The following RIMOC1 variants were observed in gnomAD, a reference collection of about 807,000 sequenced individuals.
RIMOC1 encodes the protein RAB7A-interacting MON1-CCZ1 complex subunit 1.
At chr5:41,917,171 T>G in the RIMOC1 span, 1 of 1,613,830 alleles carries the variant, frequency 6.2e-7, no homozygotes, top group East Asian at 2.2e-5. Context: ...ACCCTTGGAT[T>G]TCCGAGAAGT....
chr5:41,916,286 C>A, the RIMOC1 span: 1 of 492,216 alleles, frequency 2.0e-6, no homozygotes, highest in Non-Finnish European at 2.6e-6. Flanking sequence ...TAATTTATAC[C>A]CAGATCTTTT....
At chr5:41,909,705 T>G in the RIMOC1 span, 1 of 1,421,052 alleles carries the variant, frequency 7.0e-7, no homozygotes, top group Non-Finnish European at 9.5e-7. Context: ...TTTTTCAATT[T>G]TAAGTCATTG....
the RIMOC1 span, chr5:41,909,659 A>C: frequency 1.2e-6 from 1 of 867,962 alleles, no homozygotes; most frequent in Non-Finnish European, 1.7e-6. Context: ...GTAATAAAGC[A>C]CCTATGTGTG....
At chr5:41,911,098 A>G in the RIMOC1 span, 1 of 1,610,318 alleles carries the variant, frequency 6.2e-7, no homozygotes, top group Non-Finnish European at 8.5e-7. Flanking sequence ...CTTGGAGACG[A>G]GGAGCCCTGC....
At chr5:41,911,294 T>C in the RIMOC1 span, 16 of 938,172 alleles carry the variant, frequency 1.7e-5, no homozygotes, top group Non-Finnish European at 2.4e-5. Flanking sequence ...GTATTCTGTG[T>C]CTTTTATTTA....
At chr5:41,907,211 A>C in the RIMOC1 span, among the ~76,000 whole-genome samples, 1 of 152,196 alleles carries the variant, frequency 6.6e-6, no homozygotes, top group African/African-American at 2.4e-5. Flanking sequence ...AAATACACAG[A>C]TGTATTATGT....
At chr5:41,908,102 T>C in the RIMOC1 span, among the ~76,000 whole-genome samples, 1 of 151,962 alleles carries the variant, frequency 6.6e-6, no homozygotes, top group Non-Finnish European at 1.5e-5. Context: ...TAGAGATAAT[T>C]GAACAGGACA....
chr5:41,917,676 C>T, the RIMOC1 span: 1 of 969,052 alleles, frequency 1.0e-6, no homozygotes, highest in Non-Finnish European at 1.2e-6. Context: ...AATCTCACTA[C>T]CTTGAAGTTT....
chr5:41,904,930 T>C, the RIMOC1 span, among the ~76,000 whole-genome samples: 16 of 152,234 alleles, frequency 1.1e-4, no homozygotes, highest in African/African-American at 3.9e-4. Flanking sequence ...CAACATTCTA[T>C]AGAAGAGCTT....
chr5:41,918,525 C>T, the RIMOC1 span: 1 of 985,262 alleles, frequency 1.0e-6, no homozygotes, highest in Non-Finnish European at 1.2e-6. Flanking sequence ...TTAGTCTAGT[C>T]CTTTGGCAAG....
At chr5:41,904,444 T>C in the RIMOC1 span, 1 of 1,613,986 alleles carries the variant, frequency 6.2e-7, no homozygotes, top group Non-Finnish European at 8.5e-7. Flanking sequence ...ATACAGCAAC[T>C]TAGCGAAGCT....
At chr5:41,913,971 A>T in the RIMOC1 span, among the ~76,000 whole-genome samples, 2 of 152,196 alleles carry the variant, frequency 1.3e-5, no homozygotes, top group Non-Finnish European at 2.9e-5. Context: ...CTTTTAAAAA[A>T]TTTCTATTTA....
At chr5:41,909,747 C>G in the RIMOC1 span, 10 of 1,344,038 alleles carry the variant, frequency 7.4e-6, no homozygotes, top group Non-Finnish European at 8.8e-6. Context: ...TTTTTTTAGG[C>G]TATTTTGGAC....
At chr5:41,905,845 T>A in the RIMOC1 span, among the ~76,000 whole-genome samples, 1 of 152,236 alleles carries the variant, frequency 6.6e-6, no homozygotes, top group East Asian at 1.9e-4. Context: ...GTGCTATATA[T>A]GGAATTCTTG....
chr5:41,910,154 C>G, the RIMOC1 span, among the ~76,000 whole-genome samples: 6 of 151,908 alleles, frequency 3.9e-5, no homozygotes, highest in African/African-American at 1.5e-4. Context: ...ATTCCCATTT[C>G]GACCCCCTTT....
At chr5:41,912,117 T>A in the RIMOC1 span, 1 of 1,612,432 alleles carries the variant, frequency 6.2e-7, no homozygotes. Flanking sequence ...AAATTATCGA[T>A]GTCCTATCCA....
At chr5:41,921,024 G>A in the RIMOC1 span, 1 of 152,548 alleles carries the variant, frequency 6.6e-6, no homozygotes, top group African/African-American at 2.4e-5. Context: ...TTTAGACTTA[G>A]TTAAAGACCT....
chr5:41,915,748 G>A, the RIMOC1 span, among the ~76,000 whole-genome samples: 1 of 152,050 alleles, frequency 6.6e-6, no homozygotes, highest in African/African-American at 2.4e-5. Context: ...TCTCCCACTG[G>A]GTCCCTCCCA....
At chr5:41,920,141 A>G in the RIMOC1 span, 1 of 152,070 alleles carries the variant, frequency 6.6e-6, no homozygotes, top group South Asian at 2.1e-4. Context: ...AGAAGTTGGA[A>G]ACTTCATTTT....
Sources: gnomAD v4.1 joint callset for allele counts (sites outside exome capture counted in the v4.1 genomes callset) on GRCh38, gnomAD v4.1.1 for gene constraint, MANE v1.5 for transcripts, NCBI Gene and HGNC (gene_info 2026-07-23, HGNC 2026-07-21) for gene names.